ERBB4: variants seen among roughly 807,000 people sequenced by gnomAD.
ERBB4 encodes the protein receptor tyrosine-protein kinase erbB-4.
Under a neutral mutation model 158.0 loss-of-function variants are expected in ERBB4, and 42 were observed. The ratio of observed to expected loss-of-function variants is 0.27; its 90% CI spans 0.21 to 0.34. The LOEUF (loss-of-function observed/expected upper bound fraction) is 0.34. Among genes scored for constraint, ERBB4 ranks in the 10% least tolerant of loss-of-function variants. The probability of loss-of-function intolerance (pLI) is 1.00; values close to 1 mark genes in which losing one functional copy is unlikely to be tolerated. For synonymous variants in ERBB4, 583 were observed against 558.7 expected (o/e 1.04, Z -0.61); for missense variants, 1,333 against 1,624.1 (o/e 0.82, Z 3.08).
At chr2:212,094,093 A>T (rs1362387516) in intron 2 of ERBB4, among the ~76,000 whole-genome samples, 1 of 151,960 alleles carries the variant, frequency 6.6e-6, no homozygotes, top group Non-Finnish European at 1.5e-5. Flanking sequence ...TATCCCCTCC[A>T]AATCTCATGT....
chr2:211,780,005 T>C (rs2075994469), intron 4 of ERBB4, among the ~76,000 whole-genome samples: 1 of 152,218 alleles, frequency 6.6e-6, no homozygotes, highest in African/African-American at 2.4e-5. Flanking sequence ...ATAATTATTT[T>C]TTATAATTAT....
chr2:212,133,292 A>G (rs1436542004), intron 1 of ERBB4, among the ~76,000 whole-genome samples: 1 of 151,958 alleles, frequency 6.6e-6, no homozygotes, highest in African/African-American at 2.4e-5. Context: ...GTATTTAAGT[A>G]TTTGCTCAAA....
intron 1 of ERBB4, among the ~76,000 whole-genome samples, chr2:212,358,084 G>A (rs576292966): frequency 6.6e-6 from 1 of 151,740 alleles, no homozygotes; most frequent in South Asian, 2.1e-4. Flanking sequence ...TGCTTGACAG[G>A]GAAAATATTC....
chr2:212,395,671 G>A (rs1287141143), intron 1 of ERBB4, among the ~76,000 whole-genome samples: 2 of 139,868 alleles, frequency 1.4e-5, no homozygotes, highest in African/African-American at 5.5e-5. Flanking sequence ...CCAATCTGGA[G>A]TGCAGTGGCA....
chr2:211,683,783 T>C (rs1405327032), intron 12 of ERBB4, among the ~76,000 whole-genome samples: 2 of 150,962 alleles, frequency 1.3e-5, no homozygotes, highest in African/African-American at 4.9e-5. Context: ...TTTTCTAGAG[T>C]GATTGTACCA....
chr2:211,451,693 G>T (rs775085539), intron 20 of ERBB4, among the ~76,000 whole-genome samples: 3 of 152,148 alleles, frequency 2.0e-5, no homozygotes, highest in Non-Finnish European at 4.4e-5. Flanking sequence ...CAAGGTCAAG[G>T]TAAATGCAAC....
chr2:211,835,476 G>A (rs765024667), intron 3 of ERBB4, among the ~76,000 whole-genome samples: 6 of 152,006 alleles, frequency 3.9e-5, no homozygotes, highest in Admixed American at 1.3e-4. Context: ...CTGTTGACTG[G>A]AAAAAATAGG....
intron 1 of ERBB4, among the ~76,000 whole-genome samples, chr2:212,378,432 G>A (rs2090398479): frequency 6.6e-6 from 1 of 151,830 alleles, no homozygotes; most frequent in Non-Finnish European, 1.5e-5. Context: ...ACACTGAGAT[G>A]TTTAGCAATT....
intron 3 of ERBB4, among the ~76,000 whole-genome samples, chr2:211,852,088 C>T (rs2077734110): frequency 6.6e-6 from 1 of 151,848 alleles, no homozygotes; most frequent in Non-Finnish European, 1.5e-5. Flanking sequence ...TACTCTAGTC[C>T]AGGCTCTTAT....
intron 1 of ERBB4, among the ~76,000 whole-genome samples, chr2:212,406,446 G>A (rs1429434997): frequency 1.3e-5 from 2 of 152,134 alleles, no homozygotes; most frequent in Admixed American, 1.3e-4. Flanking sequence ...TATAAAATGA[G>A]AACAGCACAC....
At chr2:211,768,497 A>G (rs2075612415) in intron 4 of ERBB4, among the ~76,000 whole-genome samples, 1 of 152,196 alleles carries the variant, frequency 6.6e-6, no homozygotes, top group Non-Finnish European at 1.5e-5. Flanking sequence ...CTTCCACTGC[A>G]ACAAACTTCT....
At chr2:211,709,235 G>GTATATATATATATATACACACACATATA (rs2073575728) in intron 9 of ERBB4, among the ~76,000 whole-genome samples, 1 of 103,204 alleles carries the variant, frequency 9.7e-6, no homozygotes, top group African/African-American at 4.1e-5. Context: ...GCGTGTGTGT[G>GTATATATATATATATACACACACATATA]TATATATATA....
chr2:211,872,788 G>A (rs1471024714), intron 3 of ERBB4, among the ~76,000 whole-genome samples: 2 of 152,014 alleles, frequency 1.3e-5, no homozygotes, highest in Non-Finnish European at 2.9e-5. Context: ...TTTACTGTAA[G>A]TAAAAGGTAC....
chr2:212,345,265 C>CAAAAAAAAAAAAAAAAAA lies in ERBB4; in HGVS notation c.82+193183_82+193184insTTTTTTTTTTTTTTTTTT, dbSNP rs367985477. Among the ~76,000 whole-genome samples the CAAAAAAAAAAAAAAAAAA allele has an allele frequency of 6.7e-4, 52 of 77,692 alleles. 11 individuals carry two copies. Among genetic ancestry groups the CAAAAAAAAAAAAAAAAAA allele is most frequent in the African/African-American group, 9.6e-4 (17 of 17,648 alleles). 51.0% of individuals were successfully genotyped at this position (77,692 alleles called of 152,430 possible). ...TGGGGGACAGAGCAAGACTCCGTCT[C>CAAAAAAAAAAAAAAAAAA]AAAAAAAAAAAAGCACTAAACACAT... On this transcript the variant is annotated intron_variant, in intron 1 of 27. Coordinates refer to ENST00000342788, the MANE Select transcript of ERBB4 (RefSeq NM_005235.3).
chr2:212,311,715 A>T (rs542692267), intron 1 of ERBB4, among the ~76,000 whole-genome samples: 7 of 151,120 alleles, frequency 4.6e-5, no homozygotes, highest in Non-Finnish European at 1.0e-4. Flanking sequence ...TATTCATAAC[A>T]ATTTTGGAAA....
At chr2:212,417,491 T>C (rs1574880075) in intron 1 of ERBB4, among the ~76,000 whole-genome samples, 2 of 152,080 alleles carry the variant, frequency 1.3e-5, no homozygotes, top group Admixed American at 6.6e-5. Flanking sequence ...GTCTTTGGAC[T>C]TTCAGATTAG....
intron 3 of ERBB4, among the ~76,000 whole-genome samples, chr2:211,916,248 C>T (rs2079686653): frequency 6.6e-6 from 1 of 151,924 alleles, no homozygotes; most frequent in South Asian, 2.1e-4. Context: ...GGTGCGGTAT[C>T]AGCTCACTGC....
At chr2:212,376,316 G>A (rs115426451) in intron 1 of ERBB4, among the ~76,000 whole-genome samples, 2,230 of 152,098 alleles carry the variant, frequency 0.015, 45 homozygotes, top group African/African-American at 0.051. Flanking sequence ...AAGTGCTCCA[G>A]TCAAAGCAAA....
intron 3 of ERBB4, among the ~76,000 whole-genome samples, chr2:211,875,917 C>T (rs912016942): frequency 6.6e-6 from 1 of 152,120 alleles, no homozygotes; most frequent in Non-Finnish European, 1.5e-5. Flanking sequence ...CAGGCTAGAC[C>T]ATATAGCCCA....
Sources: allele counts gnomAD v4.1 joint callset (sites outside exome capture counted in the v4.1 genomes callset), GRCh38; gene constraint gnomAD v4.1.1; transcripts MANE v1.5; gene names NCBI Gene and HGNC (gene_info 2026-07-23, HGNC 2026-07-21).